Variants in NUP210 observed in about 807,000 individuals in gnomAD.
NUP210 encodes nuclear pore membrane glycoprotein 210.
NUP210 carries 151 observed loss-of-function variants against 196.0 expected under a neutral mutation model. That is an observed-to-expected ratio of 0.77 (90% CI 0.67 to 0.88). The LOEUF is 0.88. Ranked by LOEUF, NUP210 falls within the 40% of genes least tolerant of loss-of-function variation. The pLI is 0.00. For synonymous variants in NUP210, 1,070 were observed against 1,052.7 expected (o/e 1.02, Z -0.32); for missense variants, 2,314 against 2,493.7 (o/e 0.93, Z 1.53).
Position 13,413,196 on chromosome 3 carries a change from G to A in NUP210, c.167+6864C>T, listed in dbSNP as rs573673437. Among the ~76,000 whole-genome samples, 11 of 145,464 alleles carry A rather than the reference G, an allele frequency of 7.6e-5. No individual in the cohort carries two copies. In the East Asian group the frequency reaches 8.2e-4, roughly 11 times the overall value. On this transcript the variant is annotated intron_variant, in intron 1 of 39. Coordinates refer to ENST00000254508, the MANE Select transcript of NUP210 (RefSeq NM_024923.4). ...AGAAGAATTGCTTGAGGCCGGGCGC[G>A]GTGGCTCACACCTGTAATCCCAGCA...
Position 13,372,051 on chromosome 3 carries a change from G to A in NUP210, c.1588-19C>T, listed in dbSNP as rs1698750265. The A allele has an allele frequency of 6.5e-7, 1 of 1,543,252 alleles. No homozygotes were observed. Among genetic ancestry groups the A allele is most frequent in the South Asian group, 1.2e-5 (1 of 82,716 alleles). The stretch of plus-strand genomic sequence containing the variant: ...CATACACCTGGAAGACAGGGGCATG[G>A]CCTGGGCTCAGCTGCCTCCACAGGA... On this transcript the variant is annotated intron_variant, in intron 12 of 39. Transcript: ENST00000254508.
At position 13,353,585 on chromosome 3, in the gene NUP210, G is replaced by T; in HGVS notation, c.2597C>A (p.Ser866Tyr). 1 of 1,614,104 alleles carries T rather than the reference G, an allele frequency of 6.2e-7. No homozygotes were observed. The highest frequency in any genetic ancestry group is 1.3e-5 in the African/African-American group (1 of 75,022). ...CTTTGTTCTGGCAGAGCTGAGGTGG[G>T]ACTCCTGGTAGCCAGTGGCAGTGGC... ...ITATATGYQE[S>Y]HLSSARTKQP... is the part of the protein sequence containing the mutation. Residue 866 changes from serine (S) to tyrosine (Y), a missense_variant, in exon 18 of 40, where the codon TCC becomes TAC. Coordinates refer to ENST00000254508, the MANE Select transcript of NUP210 (RefSeq NM_024923.4).
intron 31 of NUP210, 52 bp from the exon 32 acceptor site, chr3:13,327,489 A>C (rs762139721): frequency 7.5e-7 from 1 of 1,341,154 alleles, no homozygotes; most frequent in African/African-American, 1.4e-5. Flanking sequence ...GAAGCTTCCA[A>C]CTCCCAAAGG....
chr3:13,368,390 T>TA (rs977262376), intron 13 of NUP210, among the ~76,000 whole-genome samples: 5 of 152,076 alleles, frequency 3.3e-5, no homozygotes, highest in African/African-American at 1.2e-4. Context: ...AATTTTATCT[T>TA]AAAAAAAAGT....
chr3:13,355,887 C>T (rs1319533083), intron 16 of NUP210, among the ~76,000 whole-genome samples: 1 of 152,232 alleles, frequency 6.6e-6, no homozygotes, highest in African/African-American at 2.4e-5. Context: ...CATGTGCAAG[C>T]TAACTGGCCC....
At chr3:13,375,745 G>T in intron 10 of NUP210, 104 bp from the exon 11 acceptor site, 1 of 1,260,088 alleles carries the variant, frequency 7.9e-7, no homozygotes, top group South Asian at 1.4e-5. Flanking sequence ...GGTCACAAAG[G>T]TGGATTTGGG....
intron 1 of NUP210, among the ~76,000 whole-genome samples, chr3:13,417,942 G>C (rs1700400240): frequency 6.6e-6 from 1 of 152,062 alleles, no homozygotes; most frequent in African/African-American, 2.4e-5. Flanking sequence ...TGTTAGTTTA[G>C]AAAAAGAAAA....
At chr3:13,387,960 T>C (rs1299420673) in intron 5 of NUP210, among the ~76,000 whole-genome samples, 1 of 152,056 alleles carries the variant, frequency 6.6e-6, no homozygotes, top group African/African-American at 2.4e-5. Context: ...AAGCCCCAAG[T>C]GCTTGGGAGT....
rs746884155 is a variant in NUP210 at position 13,376,423 on chromosome 3, T to C, written c.1161A>G (p.Arg387=). Residue 387 remains arginine, a synonymous_variant, in exon 10 of 40, where the codon CGA becomes CGG. Transcript: ENST00000254508. The part of the protein sequence containing the change: ...SNKVYVSDNI[R]IETVLPAEFF... Reference sequence around the variant, plus strand: ...ACTCAGCAGGAAGCACAGTTTCAATTCGGATGTTCTGGAAGGTGAGGCAGG... The same window carrying C: ...ACTCAGCAGGAAGCACAGTTTCAATCCGGATGTTCTGGAAGGTGAGGCAGG... 9 of 1,613,998 alleles carry C rather than the reference T, an allele frequency of 5.6e-6. No homozygotes were observed. In the Admixed American group the frequency reaches 1.2e-4, roughly 21 times the overall value.
intron 6 of NUP210, among the ~76,000 whole-genome samples, chr3:13,382,971 C>A (rs143036231): frequency 9.1e-4 from 138 of 151,976 alleles, no homozygotes; most frequent in African/African-American, 3.3e-3. Flanking sequence ...CACAGAGAGA[C>A]CGCATCTCTA....
rs151227151 is a variant in NUP210, at chr3:13,379,643, G to A, written c.896C>T (p.Pro299Leu). 9.2e-5 allele frequency: 148 copies of A among 1,613,924 alleles called. No homozygotes were observed. The highest frequency in any genetic ancestry group is 5.5e-4 in the South Asian group (50 of 91,056). ...IPGPEGDPARPVAVLAQDTSM... is the reference protein window; with the variant it reads ...IPGPEGDPARLVAVLAQDTSM... ...CGTGTCCTGGGCCAAGACAGCCACC[G>A]GCCGGGCTGGGTCTCCTTCGGGGCC... Residue 299 changes from proline to leucine, a missense_variant, in exon 7 of 40, where the codon CCG (proline) becomes CTG (leucine). Physicochemically the swap from Pro to Leu is moderately conservative, Grantham distance 98. Transcript: ENST00000254508. The surrounding 1 kb of genome is among the most constrained non-coding windows in gnomAD (Gnocchi z 4.2).
In NUP210 at chr3:13,366,076, C is replaced by T; in HGVS notation, c.1802G>A (p.Gly601Asp). Residue 601 changes from glycine to aspartate, a missense_variant, in exon 14 of 40, where the codon GGC becomes GAC. By Grantham distance (94) the Gly-to-Asp change is moderately conservative (BLOSUM62 -1). Transcript: ENST00000254508. ...CCGGATGCCGCTGCAGTGCTCAGAG[C>T]CTGGCGGCAGCCTCCCTACAGAAAG... is the stretch of plus-strand genomic sequence containing the variant. ...FQPLPGRLPPGSEHCSGIRVK... is the reference protein window; with the variant it reads ...FQPLPGRLPPDSEHCSGIRVK... 6.2e-7 allele frequency: 1 copy of T among 1,613,878 alleles called. No homozygotes were observed.
At chr3:13,351,770 T>A in intron 20 of NUP210, 109 bp downstream of exon 20, 2 of 747,558 alleles carry the variant, frequency 2.7e-6, no homozygotes, top group Non-Finnish European at 4.5e-6. Flanking sequence ...AGTTCTGGGA[T>A]TCCGAGTGTG....
rs147283403 is a variant in NUP210 at position 13,393,165 on chromosome 3, C to T, written c.437-1858G>A. Among the ~76,000 whole-genome samples, 208 of 152,264 alleles carry T rather than the reference C, an allele frequency of 1.4e-3. No individual in the cohort carries two copies. The Middle Eastern group carries it at 0.017, about 12-fold the overall frequency. Reference sequence around the variant, plus strand: ...TGTAAAATGGGGATGAAAATACCAACGCATGGGGTTGGTGGGAAGATCAAA... The same window carrying T: ...TGTAAAATGGGGATGAAAATACCAATGCATGGGGTTGGTGGGAAGATCAAA... On this transcript the variant is annotated intron_variant, in intron 3 of 39. Transcript: ENST00000254508.
At chr3:13,401,989 G>A (rs1699854209) in intron 1 of NUP210, among the ~76,000 whole-genome samples, 1 of 151,816 alleles carries the variant, frequency 6.6e-6, no homozygotes, top group Non-Finnish European at 1.5e-5. Flanking sequence ...GAGCCCAAAA[G>A]TTCAAGACCA....
rs1697856831 is a variant in NUP210, at chr3:13,348,880, C to T, written c.2835+2999G>A. ...AAGGTTTTCGAAAACACCCCAAACACCAAACAAAAAAACTGAATTAAAAAA... is the reference window on the plus strand; with the variant it reads ...AAGGTTTTCGAAAACACCCCAAACATCAAACAAAAAAACTGAATTAAAAAA... On this transcript the variant is annotated intron_variant, in intron 20 of 39. Coordinates refer to ENST00000254508, the MANE Select transcript of NUP210 (RefSeq NM_024923.4). This position sits in a 1 kb window ranked among gnomAD's most constrained non-coding sequence, Gnocchi z 4.0. 2.0e-6 allele frequency: 2 copies of T among 981,690 alleles called. No individual in the cohort carries two copies. The highest frequency in any genetic ancestry group is 1.3e-4 in the Admixed American group (2 of 15,918). 60.8% of individuals were successfully genotyped at this position (981,690 alleles called of 1,614,324 possible). A position where few individuals can be genotyped will look rare whatever the true frequency, so the allele number is the denominator to read the frequency against.
At chr3:13,404,029 A>G (rs986162977) in intron 1 of NUP210, among the ~76,000 whole-genome samples, 13 of 152,102 alleles carry the variant, frequency 8.5e-5, no homozygotes, top group African/African-American at 3.1e-4. Context: ...GCCCATCCCA[A>G]CACCTCCTGG....
At chr3:13,357,732 C>G (rs1181748989) in intron 16 of NUP210, among the ~76,000 whole-genome samples, 3 of 152,078 alleles carry the variant, frequency 2.0e-5, no homozygotes, top group Admixed American at 2.0e-4. Flanking sequence ...GACAAGACTC[C>G]CAAGGGACTT....
intron 10 of NUP210, 64 bp downstream of exon 10, chr3:13,376,227 C>A (rs553353962): frequency 1.3e-6 from 2 of 1,581,976 alleles, no homozygotes; most frequent in Non-Finnish European, 1.7e-6. Context: ...CCTGGGCTGA[C>A]ATTTCTGCCT....
Sources: allele counts gnomAD v4.1 joint callset (sites outside exome capture counted in the v4.1 genomes callset), GRCh38; gene constraint gnomAD v4.1.1; non-coding constraint Gnocchi (gnomAD v3.1); transcripts MANE v1.5; gene names NCBI Gene and HGNC (gene_info 2026-07-23, HGNC 2026-07-21).